Variants in MALRD1 observed in about 807,000 individuals in gnomAD.
MALRD1 encodes MAM and LDL receptor class A domain containing 1.
MALRD1 carries 247 observed loss-of-function variants against 242.1 expected under a neutral mutation model. The observed-to-expected ratio is 1.02, with a 90% CI of 0.92 to 1.13. The LOEUF (loss-of-function observed/expected upper bound fraction) is 1.13. Ranked by LOEUF, MALRD1 falls within the 50% of genes most tolerant of loss-of-function variation. MALRD1 has a pLI of 0.00. For synonymous variants in MALRD1, 995 were observed against 866.6 expected (o/e 1.15, Z -2.60); for missense variants, 2,989 against 2,533.1 (o/e 1.18, Z -3.86).
chr10:19,101,570 T>C (rs574124380), intron 4 of MALRD1, among the ~76,000 whole-genome samples: 131 of 134,876 alleles, frequency 9.7e-4, no homozygotes, highest in Non-Finnish European at 1.7e-3. Context: ...ATGTATATTG[T>C]ATTATATATA....
At chr10:19,306,437 TACC>T (rs1489965950) in intron 21 of MALRD1, among the ~76,000 whole-genome samples, 42 of 132,648 alleles carry the variant, frequency 3.2e-4, no homozygotes, top group African/African-American at 8.8e-4. Context: ...GTCGTATATG[TACC>T]GTGTATAGTA....
chr10:19,572,214 C>T (rs935673568), intron 33 of MALRD1, among the ~76,000 whole-genome samples: 1 of 152,166 alleles, frequency 6.6e-6, no homozygotes, highest in East Asian at 1.9e-4. Context: ...TGAAATAGAG[C>T]GTCTCCAGAA....
chr10:19,360,085 A>C (rs983759309), intron 26 of MALRD1, among the ~76,000 whole-genome samples: 2 of 152,012 alleles, frequency 1.3e-5, no homozygotes, highest in African/African-American at 4.8e-5. Flanking sequence ...AATTATTATA[A>C]TTATAATGGG....
Position 19,525,118 on chromosome 10 carries a change from T to C in MALRD1, c.5321-6076T>C, listed in dbSNP as rs1834048607. ...TCAGTAGAGACGGGGTTTCCCTATG[T>C]TGGTCAGGCTGGTCTCGAGCTCCTG... On this transcript the variant is annotated intron_variant, in intron 31 of 39. Transcript: ENST00000454679. Among the ~76,000 whole-genome samples the C allele has an allele frequency of 2.0e-5, 3 of 151,854 alleles. No individual in the cohort carries two copies. The South Asian group carries it at 6.3e-4, about 32-fold the overall frequency.
intron 28 of MALRD1, among the ~76,000 whole-genome samples, chr10:19,390,156 T>G (rs976305747): frequency 6.6e-6 from 1 of 152,246 alleles, no homozygotes; most frequent in Non-Finnish European, 1.5e-5. Context: ...ATAATAGTAA[T>G]TAATCTAGGA....
chr10:19,424,905 T>C (rs1445229332), intron 28 of MALRD1, among the ~76,000 whole-genome samples: 1 of 150,210 alleles, frequency 6.7e-6, no homozygotes, highest in African/African-American at 2.5e-5. Context: ...TCTTTAAAAC[T>C]GAATGTCAAA....
intron 32 of MALRD1, among the ~76,000 whole-genome samples, chr10:19,538,273 A>G (rs891389913): frequency 2.0e-5 from 3 of 152,230 alleles, no homozygotes; most frequent in African/African-American, 4.8e-5. Flanking sequence ...ATCATAAATG[A>G]CTGATAATCA....
intron 24 of MALRD1, among the ~76,000 whole-genome samples, chr10:19,340,097 AGATTACAATTTGAGATGACATTTG>A (rs1843778684): frequency 6.6e-6 from 1 of 152,122 alleles, no homozygotes; most frequent in Non-Finnish European, 1.5e-5. Context: ...TGACACTTGG[AGATTACAATTTGAGATGACATTTG>A]GGTACGGACA....
Position 19,087,807 on chromosome 10 carries a change from T to G in MALRD1, c.341-33T>G, listed in dbSNP as rs986590152. The stretch of plus-strand genomic sequence containing the variant: ...GTAGGTCTTATTCATTCTTTCTGGT[T>G]TTTTTTTGTACCCTGTCTCTTCTTT... On this transcript the variant is annotated intron_variant, in intron 2 of 39. Coordinates refer to ENST00000454679, the MANE Select transcript of MALRD1 (RefSeq NM_001142308.3). The G allele has an allele frequency of 8.7e-6, 10 of 1,147,562 alleles. No homozygotes were observed. The African/African-American group carries it at 1.5e-4, about 17-fold the overall frequency. 71.1% of individuals were successfully genotyped at this position (1,147,562 alleles called of 1,614,324 possible). A position where few individuals can be genotyped will look rare whatever the true frequency, so the allele number is the denominator to read the frequency against.
chr10:19,227,608 T>C (rs1837855101), intron 18 of MALRD1, among the ~76,000 whole-genome samples: 2 of 152,026 alleles, frequency 1.3e-5, no homozygotes, highest in Admixed American at 6.6e-5. Flanking sequence ...AAATAGTAAA[T>C]TGGACTTCAT....
At chr10:19,700,071 A>G (rs1287905634) in intron 38 of MALRD1, among the ~76,000 whole-genome samples, 1 of 151,420 alleles carries the variant, frequency 6.6e-6, no homozygotes, top group Non-Finnish European at 1.5e-5. Context: ...CGAAATCATT[A>G]CACTGTCACC....
intron 36 of MALRD1, among the ~76,000 whole-genome samples, chr10:19,665,632 C>G (rs774420860): frequency 1.3e-5 from 2 of 152,140 alleles, no homozygotes; most frequent in Non-Finnish European, 2.9e-5. Flanking sequence ...ACTACTGATA[C>G]AGCAGCTTCC....
intron 38 of MALRD1, among the ~76,000 whole-genome samples, chr10:19,700,715 C>T (rs1466083773): frequency 4.6e-5 from 7 of 152,094 alleles, no homozygotes; most frequent in Non-Finnish European, 7.4e-5. Flanking sequence ...TTTCCGTAAT[C>T]TCCAAACAAA....
intron 36 of MALRD1, among the ~76,000 whole-genome samples, chr10:19,637,048 T>G (rs1840167886): frequency 6.6e-6 from 1 of 152,052 alleles, no homozygotes; most frequent in African/African-American, 2.4e-5. Flanking sequence ...AAAAGTAAAC[T>G]TGTCACCCTA....
intron 4 of MALRD1, among the ~76,000 whole-genome samples, chr10:19,095,144 T>C (rs1328075176): frequency 2.0e-5 from 3 of 152,170 alleles, no homozygotes; most frequent in Non-Finnish European, 4.4e-5. Context: ...AATATAGAGA[T>C]TAAATTGGAT....
chr10:19,489,227 G>GA (rs1837373996), intron 29 of MALRD1: 2 of 475,960 alleles, frequency 4.2e-6, no homozygotes, highest in Admixed American at 4.7e-5. Flanking sequence ...AGCAGCGAAG[G>GA]ATACATCTTA....
At chr10:19,425,497 TCTTTTCTTTTCTTTC>T (rs1163498132) in intron 28 of MALRD1, among the ~76,000 whole-genome samples, 1 of 152,168 alleles carries the variant, frequency 6.6e-6, no homozygotes, top group Non-Finnish European at 1.5e-5. Context: ...TCTGTGACTG[TCTTTTCTTTTCTTTC>T]CTTTTCTTTT....
At chr10:19,182,324 A>ATTTTTTTTTTTTTTTTT (rs34790120) in intron 14 of MALRD1, among the ~76,000 whole-genome samples, 1 of 81,960 alleles carries the variant, frequency 1.2e-5, no homozygotes, top group Non-Finnish European at 2.2e-5. Context: ...CAAAACCTAC[A>ATTTTTTTTTTTTTTTTT]TTTTTTTTTT....
At position 19,099,706 on chromosome 10, in the gene MALRD1, T is replaced by G. The variant is rs187402321; in HGVS notation, c.598-4273T>G. Among the ~76,000 whole-genome samples the G allele has an allele frequency of 6.0e-4, 91 of 152,012 alleles. 4 individuals carry two copies. The East Asian group carries it at 0.016, about 26-fold the overall frequency. On this transcript the variant is annotated intron_variant, in intron 4 of 39. Transcript: ENST00000454679. ...ATACTACTTTTCCTAAAAATAAAAC[T>G]ACCATACACCAACACAGCTCTGACC...
Sources: allele counts gnomAD v4.1 joint callset (sites outside exome capture counted in the v4.1 genomes callset), GRCh38; gene constraint gnomAD v4.1.1; transcripts MANE v1.5; gene names NCBI Gene and HGNC (gene_info 2026-07-23, HGNC 2026-07-21).